Variants in LRRC4C observed in about 807,000 individuals in gnomAD.
The protein encoded by LRRC4C is leucine rich repeat containing 4C, also known as leucine-rich repeat-containing protein 4C.
In LRRC4C, 5 loss-of-function variants were observed where a neutral mutation model predicts 33.6. The ratio of observed to expected loss-of-function variants is 0.15; its 90% CI spans 0.08 to 0.31. LRRC4C has a LOEUF of 0.31. Among genes scored for constraint, LRRC4C ranks in the 10% least tolerant of loss-of-function variants. The pLI is 1.00. For missense variants in LRRC4C, 560 were observed against 796.7 expected, an observed-to-expected ratio of 0.70 and a Z score of 3.58; for synonymous variants, 329 against 302.0, an observed-to-expected ratio of 1.09 and a Z score of -0.93.
intron 4 of LRRC4C, among the ~76,000 whole-genome samples, chr11:40,311,935 C>A (rs1182871217): frequency 5.4e-5 from 7 of 129,940 alleles, no homozygotes; most frequent in African/African-American, 1.4e-4. Context: ...CAGAGTGAGA[C>A]TCTGTCTCAA....
chr11:40,375,008 A>G (rs578189439), intron 3 of LRRC4C, among the ~76,000 whole-genome samples: 1 of 152,216 alleles, frequency 6.6e-6, no homozygotes. Context: ...TTGAAAAATT[A>G]TAAGTTGTAT....
At chr11:40,572,830 G>A (rs373453825) in intron 3 of LRRC4C, among the ~76,000 whole-genome samples, 4 of 152,118 alleles carry the variant, frequency 2.6e-5, no homozygotes, top group Admixed American at 6.6e-5. Context: ...GCACTATTAC[G>A]ATATGCAAAT....
chr11:41,077,153 T>A (rs1939213754), intron 1 of LRRC4C, among the ~76,000 whole-genome samples: 1 of 152,220 alleles, frequency 6.6e-6, no homozygotes, highest in Non-Finnish European at 1.5e-5. Flanking sequence ...TGGTGTTCAA[T>A]GCCTGTGGCT....
chr11:41,035,118 T>C (rs1056823281), intron 1 of LRRC4C, among the ~76,000 whole-genome samples: 4 of 151,300 alleles, frequency 2.6e-5, no homozygotes, highest in African/African-American at 9.7e-5. Flanking sequence ...ATTCTTCCTT[T>C]GGTGGAGCTT....
intron 2 of LRRC4C, among the ~76,000 whole-genome samples, chr11:40,707,425 G>A (rs1946225567): frequency 6.6e-6 from 1 of 152,192 alleles, no homozygotes; most frequent in Non-Finnish European, 1.5e-5. Flanking sequence ...ATGAAGGGCT[G>A]TTGAATTTTG....
At chr11:40,426,772 A>C (rs115889580) in intron 3 of LRRC4C, among the ~76,000 whole-genome samples, 1,644 of 152,300 alleles carry the variant, frequency 0.011, 31 homozygotes, top group African/African-American at 0.037. Context: ...ATATTTGTTG[A>C]ATGAATGAAT....
At chr11:40,974,101 A>G (rs1056377813) in intron 1 of LRRC4C, among the ~76,000 whole-genome samples, 4 of 152,174 alleles carry the variant, frequency 2.6e-5, no homozygotes, top group African/African-American at 4.8e-5. Context: ...GAACATTATA[A>G]TGTTCACATT....
chr11:40,991,206 A>T (rs1210430722), intron 1 of LRRC4C, among the ~76,000 whole-genome samples: 31 of 11,702 alleles, frequency 2.6e-3, no homozygotes, highest in African/African-American at 7.8e-3. Context: ...CCAATATGTA[A>T]AAAAAAAAAA....
At chr11:40,423,737 T>C (rs1950613700) in intron 3 of LRRC4C, among the ~76,000 whole-genome samples, 1 of 152,132 alleles carries the variant, frequency 6.6e-6, no homozygotes. Context: ...AGGTAAAAAA[T>C]TATTAACCAA....
At chr11:41,079,498 C>T (rs2135474002) in intron 1 of LRRC4C, among the ~76,000 whole-genome samples, 1 of 152,142 alleles carries the variant, frequency 6.6e-6, no homozygotes, top group Non-Finnish European at 1.5e-5. Context: ...ATACAAATGC[C>T]TTATGTGGGT....
chr11:40,214,194 T>A (rs1380896131), intron 5 of LRRC4C, among the ~76,000 whole-genome samples: 1 of 152,190 alleles, frequency 6.6e-6, no homozygotes, highest in African/African-American at 2.4e-5. Flanking sequence ...CTGTTCCTTA[T>A]ATAAGAGCAT....
chr11:41,251,904 T>C (rs1948650925), intron 1 of LRRC4C, among the ~76,000 whole-genome samples: 1 of 152,154 alleles, frequency 6.6e-6, no homozygotes, highest in South Asian at 2.1e-4. Context: ...ATTATATTCA[T>C]GAGGTATCAT....
At chr11:40,825,305 A>T (rs1430452151) in intron 2 of LRRC4C, among the ~76,000 whole-genome samples, 1 of 151,864 alleles carries the variant, frequency 6.6e-6, no homozygotes, top group Non-Finnish European at 1.5e-5. Flanking sequence ...TGAATACGTG[A>T]TTACTGAAGG....
intron 3 of LRRC4C, among the ~76,000 whole-genome samples, chr11:40,434,054 T>A (rs932383991): frequency 6.6e-6 from 1 of 152,200 alleles, no homozygotes; most frequent in Non-Finnish European, 1.5e-5. Flanking sequence ...TTCTTATTTT[T>A]AAAATTTCCT....
intron 1 of LRRC4C, among the ~76,000 whole-genome samples, chr11:41,070,682 C>G (rs1041508268): frequency 6.6e-6 from 1 of 152,078 alleles, no homozygotes; most frequent in Non-Finnish European, 1.5e-5. Flanking sequence ...CATCACTGAT[C>G]ATTAGAGAAA....
At chr11:40,823,445 A>T (rs532652045) in intron 2 of LRRC4C, among the ~76,000 whole-genome samples, 1 of 151,894 alleles carries the variant, frequency 6.6e-6, no homozygotes, top group African/African-American at 2.4e-5. Flanking sequence ...GAAGAAAATA[A>T]AAAGGGAAGC....
intron 1 of LRRC4C, among the ~76,000 whole-genome samples, chr11:41,427,091 G>C (rs1293286840): frequency 6.6e-6 from 1 of 152,156 alleles, no homozygotes; most frequent in Non-Finnish European, 1.5e-5. Context: ...TAGATGTACA[G>C]GGAGGGAAGG....
intron 5 of LRRC4C, among the ~76,000 whole-genome samples, chr11:40,206,433 G>A (rs1178289322): frequency 1.3e-5 from 2 of 151,898 alleles, no homozygotes; most frequent in Non-Finnish European, 2.9e-5. Context: ...GTAGAGACAG[G>A]GTTTCACCGT....
chr11:40,554,080 A>C (rs72885186), intron 3 of LRRC4C, among the ~76,000 whole-genome samples: 4,618 of 152,298 alleles, frequency 0.03, 178 homozygotes, highest in African/African-American at 0.094. Flanking sequence ...GAGGTCCTAC[A>C]TTTAAGCCTT....
Sources: allele counts gnomAD v4.1 joint callset (sites outside exome capture counted in the v4.1 genomes callset), GRCh38; gene constraint gnomAD v4.1.1; transcripts MANE v1.5; gene names NCBI Gene and HGNC (gene_info 2026-07-23, HGNC 2026-07-21).